Variants in SMG1 observed in about 807,000 individuals in gnomAD.
The protein encoded by SMG1 is SMG1 nonsense mediated mRNA decay associated PI3K related kinase.
In SMG1, 22 loss-of-function variants were observed where a neutral mutation model predicts 419.9. The ratio of observed to expected loss-of-function variants is 0.05; its 90% confidence interval spans 0.04 to 0.07. SMG1 has a LOEUF of 0.07. Ranked by LOEUF, SMG1 falls within the 10% of genes least tolerant of loss-of-function variation. The probability of loss-of-function intolerance (pLI) is 1.00; values close to 1 mark genes in which losing one functional copy is unlikely to be tolerated. For missense variants in SMG1, 3,185 were observed against 4,342.0 expected, an observed-to-expected ratio of 0.73 and a Z score of 7.49; for synonymous variants, 1,538 against 1,553.5, an observed-to-expected ratio of 0.99 and a Z score of 0.23.
chr16:18,834,771 T>C (rs2033448117), intron 49 of SMG1, 121 bp downstream of exon 49: 1 of 1,110,314 alleles, frequency 9.0e-7, no homozygotes, highest in Admixed American at 2.2e-5. Context: ...ATAACTAAAA[T>C]CTGAAAAGCA....
At chr16:18,843,795 T>A (rs1401255650) in intron 39 of SMG1, among the ~76,000 whole-genome samples, 2 of 152,238 alleles carry the variant, frequency 1.3e-5, no homozygotes, top group Non-Finnish European at 2.9e-5. Flanking sequence ...AACTATTTTT[T>A]AAAGTAGATA....
At position 18,881,961 on chromosome 16, in the gene SMG1, G is replaced by A. The variant is rs865806272; in HGVS notation, c.1293+204C>T. Among the ~76,000 whole-genome samples, 7 of 152,126 alleles carry A rather than the reference G, an allele frequency of 4.6e-5. No individual in the cohort carries two copies. The Middle Eastern group carries it at 0.014, about 296-fold the overall frequency. Reference sequence around the variant, plus strand: ...TTGTCATGGGAGGGTAGGGGAGTTGGATGAAAGGAGGATGAGATGTAACAG... The same window carrying A: ...TTGTCATGGGAGGGTAGGGGAGTTGAATGAAAGGAGGATGAGATGTAACAG... On this transcript the variant is annotated intron_variant, in intron 10 of 62. Transcript: ENST00000446231.
chr16:18,870,945 T>A, intron 16 of SMG1, 57 bp from the exon 17 acceptor site: 2 of 800,964 alleles, frequency 2.5e-6, no homozygotes, highest in African/African-American at 3.4e-5. Flanking sequence ...TATATCCCAG[T>A]TTGTCATAAT....
intron 48 of SMG1, 32 bp from the exon 49 acceptor site, chr16:18,835,196 A>T (rs1275413903): frequency 1.9e-6 from 3 of 1,584,108 alleles, no homozygotes; most frequent in Non-Finnish European, 1.7e-6. Context: ...GCTTGTTTAT[A>T]ACACAACCAC....
rs1318163970 is a variant in SMG1, at chr16:18,816,450, G to A, written c.10154C>T (p.Thr3385Ile). 1 of 1,613,942 alleles carries A rather than the reference G, an allele frequency of 6.2e-7. No individual in the cohort carries two copies. Among genetic ancestry groups the A allele is most frequent in the South Asian group, 1.1e-5 (1 of 91,072 alleles). ...TTTCTCTGTCTGAATTGCCCTCTGA[G>A]TAGACATATCCTGGGTCAACTGTTT... ...AHKQLTQDMS[T>I]QRAIQTEKEQ... Residue 3385 changes from threonine to isoleucine, a missense_variant, in exon 58 of 63, where the codon ACT becomes ATT. Physicochemically the swap from Thr to Ile is moderately conservative, Grantham distance 89. This residue lies in a region of SMG1 where 737 missense variants were observed against 846.6 expected (regional missense o/e 0.87). Coordinates refer to ENST00000446231, the MANE Select transcript of SMG1 (RefSeq NM_015092.5).
intron 1 of SMG1, among the ~76,000 whole-genome samples, chr16:18,919,179 T>G (rs948415823): frequency 6.6e-6 from 1 of 151,740 alleles, no homozygotes; most frequent in African/African-American, 2.4e-5. Flanking sequence ...ATACAAAAAT[T>G]AGCCAGGGGT....
intron 9 of SMG1, among the ~76,000 whole-genome samples, chr16:18,883,038 A>G (rs1012017052): frequency 2.6e-5 from 4 of 152,210 alleles, no homozygotes; most frequent in African/African-American, 4.8e-5. Flanking sequence ...AAAAAACAAC[A>G]CAGAAGCGAA....
intron 39 of SMG1, among the ~76,000 whole-genome samples, chr16:18,843,543 C>A (rs1358872722): frequency 2.0e-5 from 3 of 152,064 alleles, no homozygotes; most frequent in Non-Finnish European, 4.4e-5. Context: ...AAGAAAAAAA[C>A]CAATTGGAAA....
chr16:18,859,784 T>A, intron 26 of SMG1, 81 bp from the exon 27 acceptor site: 2 of 983,918 alleles, frequency 2.0e-6, no homozygotes, highest in East Asian at 2.4e-5. Flanking sequence ...TATTAAAAAC[T>A]AATCACCAAT....
intron 1 of SMG1, among the ~76,000 whole-genome samples, chr16:18,914,210 A>T (rs2037889522): frequency 6.6e-6 from 1 of 151,924 alleles, no homozygotes; most frequent in Non-Finnish European, 1.5e-5. Flanking sequence ...AGTTTTAAAT[A>T]ATAAACAAAA....
chr16:18,877,042 A>G, intron 12 of SMG1, 89 bp downstream of exon 12: 1 of 885,308 alleles, frequency 1.1e-6, no homozygotes, highest in Non-Finnish European at 1.7e-6. Context: ...CATTTCACTC[A>G]ATTTCACTTA....
At chr16:18,821,253 T>TTTTTTTTTTTTTTTC (rs2032535390) in intron 55 of SMG1, among the ~76,000 whole-genome samples, 1 of 24,844 alleles carries the variant, frequency 4.0e-5, no homozygotes, top group African/African-American at 2.3e-4. Flanking sequence ...TTTTTTTTTC[T>TTTTTTTTTTTTTTTC]TTTTTTTTTT....
At chr16:18,811,639 A>C (rs2031408349) in intron 62 of SMG1, 122 bp downstream of exon 62, 2 of 912,906 alleles carry the variant, frequency 2.2e-6, no homozygotes, top group Admixed American at 2.0e-5. Context: ...AATCTTCTGA[A>C]TCCTGAAAAC....
At position 18,830,481 on chromosome 16, in the gene SMG1, T is replaced by C. The variant is rs546859078; in HGVS notation, c.8793-112A>G. 7 of 1,231,996 alleles carry C rather than the reference T, an allele frequency of 5.7e-6. 1 individual carries two copies. The South Asian group carries it at 9.8e-5, about 17-fold the overall frequency. The allele number at this position is 1,231,996 out of a possible 1,614,324, so 76.3% of individuals were successfully genotyped here. On this transcript the variant is annotated intron_variant, in intron 51 of 62. Transcript: ENST00000446231. The stretch of plus-strand genomic sequence containing the variant: ...CATGCTGTGAGAGTCTAGAAAGCCT[T>C]CTGGCATTAAGAAGAAGTGTTATTA...
chr16:18,858,187 A>G lies in SMG1; in HGVS notation c.4217T>C (p.Leu1406Ser). The G allele has an allele frequency of 1.3e-6, 2 of 1,573,384 alleles. No individual in the cohort carries two copies. The highest frequency in any genetic ancestry group is 1.7e-6 in the Non-Finnish European group (2 of 1,160,710). Residue 1406 changes from leucine to serine, a missense_variant, in exon 29 of 63, where the codon TTG (leucine) becomes TCG (serine). Physicochemically the swap from Leu to Ser is moderately radical, Grantham distance 145 (BLOSUM62 -2). This residue lies in a region of SMG1 where 493 missense variants were observed against 552.9 expected (regional missense o/e 0.89). Coordinates refer to ENST00000446231, the MANE Select transcript of SMG1 (RefSeq NM_015092.5). ...ALRYTMYQNQ[L>S]LEKIKEQTVP... is the part of the protein sequence containing the mutation. ...CCACTTACCTTTAATTTTCTCCAAC[A>G]ACTGATTCTGGTACATAGTATACCT...
intron 6 of SMG1, among the ~76,000 whole-genome samples, chr16:18,889,046 G>T (rs1222435479): frequency 6.6e-6 from 1 of 150,870 alleles, no homozygotes; most frequent in South Asian, 2.1e-4. Flanking sequence ...GGATGGTCTC[G>T]ATCTCCTGAC....
At chr16:18,886,717 G>A (rs2141759057) in intron 6 of SMG1, among the ~76,000 whole-genome samples, 1 of 152,246 alleles carries the variant, frequency 6.6e-6, no homozygotes, top group East Asian at 1.9e-4. Flanking sequence ...CAAGAGAACT[G>A]CTTGAACCTG....
At chr16:18,895,501 C>CA (rs34296177) in intron 3 of SMG1, among the ~76,000 whole-genome samples, 13,993 of 141,832 alleles carry the variant, frequency 0.099, 683 homozygotes, top group Middle Eastern at 0.19. Context: ...AAAACAACAA[C>CA]AAAAAAAAAA....
In SMG1 at chr16:18,854,692, G is replaced by C; in HGVS notation, c.4447C>G (p.Leu1483Val). ...GQVDEKWGPE[L>V]DIEKTKLLYT... ...AGCAATTTGGTTTTTTCAATATCAA[G>C]TTCGGGCCCCCATTTTTCATCCACT... The change falls in exon 30 of 63, where the codon CTT becomes GTT. Residue 1483 changes from leucine to valine, a missense_variant. Transcript: ENST00000446231. The C allele has an allele frequency of 6.2e-7, 1 of 1,613,832 alleles. No individual in the cohort carries two copies.
Sources: gnomAD v4.1 joint callset for allele counts (sites outside exome capture counted in the v4.1 genomes callset) on GRCh38, gnomAD v4.1.1 for gene constraint, gnomAD v4.1.1 regional missense constraint, MANE v1.5 for transcripts, NCBI Gene and HGNC (gene_info 2026-07-23, HGNC 2026-07-21) for gene names.